Variants in DSCAM observed in about 807,000 individuals in gnomAD.
The protein encoded by DSCAM is DS cell adhesion molecule, also known as cell adhesion molecule DSCAM.
DSCAM carries 47 observed loss-of-function variants against 217.7 expected under a neutral mutation model. The observed-to-expected ratio is 0.22, with a 90% CI of 0.17 to 0.28. The LOEUF is 0.28. DSCAM is among the 10% of genes least tolerant of loss of function. DSCAM has a pLI of 1.00. For synonymous variants in DSCAM, 1,056 were observed against 1,015.3 expected, an observed-to-expected ratio of 1.04 and a Z score of -0.76; for missense variants, 2,080 against 2,618.3, an observed-to-expected ratio of 0.79 and a Z score of 4.49.
At chr21:40,222,918 G>T (rs1284880102) in intron 11 of DSCAM, among the ~76,000 whole-genome samples, 1 of 152,144 alleles carries the variant, frequency 6.6e-6, no homozygotes, top group African/African-American at 2.4e-5. Context: ...CTGTATTAAA[G>T]ATCTAAAGTC....
chr21:40,535,964 G>T (rs971021040), intron 3 of DSCAM, among the ~76,000 whole-genome samples: 1 of 152,212 alleles, frequency 6.6e-6, no homozygotes, highest in African/African-American at 2.4e-5. Context: ...GAAGCTGGAG[G>T]TAAGTGCTGT....
chr21:40,583,782 T>C (rs2076922907), intron 3 of DSCAM, among the ~76,000 whole-genome samples: 1 of 152,020 alleles, frequency 6.6e-6, no homozygotes, highest in Non-Finnish European at 1.5e-5. Context: ...TGTACCACTC[T>C]TGCGGGGGAT....
At chr21:40,670,503 A>T (rs1471188421) in intron 3 of DSCAM, among the ~76,000 whole-genome samples, 1 of 133,814 alleles carries the variant, frequency 7.5e-6, no homozygotes, top group Non-Finnish European at 1.7e-5. Context: ...GCGCCATTGC[A>T]CTCCAGCCTG....
chr21:40,548,798 G>A (rs553435090), intron 3 of DSCAM, among the ~76,000 whole-genome samples: 151 of 152,222 alleles, frequency 9.9e-4, no homozygotes, highest in African/African-American at 3.2e-3. Flanking sequence ...ATAATTGTCC[G>A]TTAGAAGACA....
At chr21:40,061,966 C>T (rs1025041645) in intron 28 of DSCAM, among the ~76,000 whole-genome samples, 5 of 152,160 alleles carry the variant, frequency 3.3e-5, no homozygotes, top group African/African-American at 1.2e-4. Flanking sequence ...TTTCACTTTT[C>T]ATGTAATCAT....
intron 3 of DSCAM, among the ~76,000 whole-genome samples, chr21:40,559,786 C>CTTTTTTTTTTT (rs548599799): frequency 2.7e-5 from 3 of 109,410 alleles, no homozygotes; most frequent in Non-Finnish European, 3.7e-5. Context: ...AATTTTCTGT[C>CTTTTTTTTTTT]TTTTTTTTTT....
intron 1 of DSCAM, among the ~76,000 whole-genome samples, chr21:40,794,936 G>T (rs1456684753): frequency 6.9e-6 from 1 of 144,658 alleles, no homozygotes; most frequent in Non-Finnish European, 1.5e-5. Flanking sequence ...CATCAACAAG[G>T]ATCTCAACCT....
intron 11 of DSCAM, among the ~76,000 whole-genome samples, chr21:40,201,319 A>C (rs2091067055): frequency 6.6e-6 from 1 of 152,182 alleles, no homozygotes; most frequent in South Asian, 2.1e-4. Context: ...ATTAACCAAA[A>C]GATATCAAAA....
intron 16 of DSCAM, 28 bp downstream of exon 16, chr21:40,167,190 C>T (rs773216155): frequency 8.1e-6 from 13 of 1,610,114 alleles, no homozygotes; most frequent in African/African-American, 1.3e-5. Context: ...GGGAAAGCAC[C>T]GAGAATACAA....
At chr21:40,312,053 G>T (rs372285780) in intron 9 of DSCAM, 28 bp downstream of exon 9, 8 of 1,563,248 alleles carry the variant, frequency 5.1e-6, no homozygotes, top group Non-Finnish European at 6.1e-6. Context: ...CTCTACAGAT[G>T]CCACATGGCT....
intron 3 of DSCAM, among the ~76,000 whole-genome samples, chr21:40,556,728 T>C (rs1350614900): frequency 6.6e-6 from 1 of 152,046 alleles, no homozygotes; most frequent in Non-Finnish European, 1.5e-5. Context: ...GAGAACTCAC[T>C]CACCCCTGAG....
At chr21:40,029,444 G>A (rs866442832) in intron 32 of DSCAM, among the ~76,000 whole-genome samples, 2 of 149,334 alleles carry the variant, frequency 1.3e-5, no homozygotes, top group Non-Finnish European at 3.0e-5. Flanking sequence ...TTTTTTTAGT[G>A]GGAAAAGGCC....
rs557922686 is a variant in DSCAM, at chr21:40,707,573, A to G, written c.361+881T>C. Among the ~76,000 whole-genome samples the G allele has an allele frequency of 1.5e-4, 23 of 152,314 alleles. 1 individual carries two copies. Among genetic ancestry groups the G allele is most frequent in the Middle Eastern group, 6.8e-3 (2 of 294 alleles). On this transcript the variant is annotated intron_variant, in intron 2 of 32. Coordinates refer to ENST00000400454, the MANE Select transcript of DSCAM (RefSeq NM_001389.5). ...TGATGTCTTCTACCAGCACCTACTC[A>G]CTTACTGAAGAAATTATTGCAAAGC... is the stretch of plus-strand genomic sequence containing the variant.
intron 1 of DSCAM, among the ~76,000 whole-genome samples, chr21:40,839,452 A>G (rs1025871560): frequency 6.6e-6 from 1 of 152,186 alleles, no homozygotes; most frequent in Non-Finnish European, 1.5e-5. Flanking sequence ...TGCAAGTTCA[A>G]TGTCCTCCCT....
chr21:40,815,387 C>T (rs937986250), intron 1 of DSCAM, among the ~76,000 whole-genome samples: 1 of 152,146 alleles, frequency 6.6e-6, no homozygotes, highest in Non-Finnish European at 1.5e-5. Context: ...CTGCCCCTCA[C>T]ACAGACACAA....
At chr21:40,665,725 G>T (rs2090191765) in intron 3 of DSCAM, among the ~76,000 whole-genome samples, 1 of 152,166 alleles carries the variant, frequency 6.6e-6, no homozygotes, top group Non-Finnish European at 1.5e-5. Context: ...TCCACCCTGG[G>T]CACCCCATCT....
At chr21:40,168,215 G>A (rs535982195) in intron 15 of DSCAM, among the ~76,000 whole-genome samples, 14 of 152,172 alleles carry the variant, frequency 9.2e-5, no homozygotes, top group Non-Finnish European at 2.1e-4. Flanking sequence ...GCCAATGAGA[G>A]ACAATCCCAA....
intron 1 of DSCAM, among the ~76,000 whole-genome samples, chr21:40,827,328 A>G (rs4818182): frequency 0.92 from 139,450 of 152,078 alleles, 64,034 homozygotes; most frequent in East Asian, 0.96. Flanking sequence ...AATTAGCTGG[A>G]CGTGGTGGTG....
chr21:40,404,096 C>G (rs867377599), intron 3 of DSCAM, among the ~76,000 whole-genome samples: 27 of 152,132 alleles, frequency 1.8e-4, no homozygotes, highest in African/African-American at 5.8e-4. Flanking sequence ...TCTTATTTCT[C>G]TCTTATTTCA....
Sources: gnomAD v4.1 joint callset for allele counts (sites outside exome capture counted in the v4.1 genomes callset) on GRCh38, gnomAD v4.1.1 for gene constraint, MANE v1.5 for transcripts, NCBI Gene and HGNC (gene_info 2026-07-23, HGNC 2026-07-21) for gene names.